The following FGGY variants were observed in gnomAD, a reference collection of about 807,000 sequenced individuals.
The protein encoded by FGGY is FGGY carbohydrate kinase domain containing, also known as FGGY carbohydrate kinase domain-containing protein.
FGGY carries 72 observed loss-of-function variants against 71.3 expected under a neutral mutation model. The observed-to-expected ratio is 1.01, with a 90% CI of 0.84 to 1.23. The LOEUF (loss-of-function observed/expected upper bound fraction) is 1.23, where lower values mean the gene tolerates loss of function less well. FGGY is among the 50% of genes most tolerant of loss of function. The pLI is 0.00. For missense variants in FGGY, 668 were observed against 682.3 expected, an observed-to-expected ratio of 0.98 and a Z score of 0.23; for synonymous variants, 251 against 250.3, an observed-to-expected ratio of 1.00 and a Z score of -0.02.
chr1:59,667,200 G>T, intron 12 of FGGY, 83 bp from the exon 13 acceptor site: 1 of 1,502,330 alleles, frequency 6.7e-7, no homozygotes, highest in South Asian at 1.1e-5. Context: ...ACAGTGTCTA[G>T]CACTGAGTAG....
At chr1:59,435,132 C>T (rs2068156954) in intron 5 of FGGY, among the ~76,000 whole-genome samples, 1 of 152,140 alleles carries the variant, frequency 6.6e-6, no homozygotes, top group South Asian at 2.1e-4. Flanking sequence ...GTCCAATGTC[C>T]TTTACAAATG....
chr1:59,666,936 C>G (rs542255922), intron 12 of FGGY, among the ~76,000 whole-genome samples: 1 of 152,182 alleles, frequency 6.6e-6, no homozygotes, highest in Non-Finnish European at 1.5e-5. Flanking sequence ...TAATACAGGG[C>G]CTGGGCTATA....
At chr1:59,718,814 C>T (rs1207114997) in intron 14 of FGGY, among the ~76,000 whole-genome samples, 1 of 152,188 alleles carries the variant, frequency 6.6e-6, no homozygotes, top group Non-Finnish European at 1.5e-5. Flanking sequence ...CGTGGTATTG[C>T]TTGCAGCCTG....
At chr1:59,352,751 T>G (rs750618796) in intron 4 of FGGY, among the ~76,000 whole-genome samples, 4 of 152,342 alleles carry the variant, frequency 2.6e-5, no homozygotes, top group Middle Eastern at 3.4e-3. Context: ...TTTCTGTAAC[T>G]TGAGAGGCTG....
At chr1:59,473,909 C>T (rs17119483) in intron 6 of FGGY, among the ~76,000 whole-genome samples, 1 of 152,164 alleles carries the variant, frequency 6.6e-6, no homozygotes, top group Non-Finnish European at 1.5e-5. Context: ...AGTCACATAC[C>T]TTGCCCCTTA....
chr1:59,495,040 C>G (rs1010300707), intron 6 of FGGY, among the ~76,000 whole-genome samples: 3 of 152,084 alleles, frequency 2.0e-5, no homozygotes, highest in Non-Finnish European at 4.4e-5. Context: ...TTAATGATAG[C>G]CATTCTGACT....
At chr1:59,630,589 G>C (rs1322788559) in intron 10 of FGGY, among the ~76,000 whole-genome samples, 1 of 152,190 alleles carries the variant, frequency 6.6e-6, no homozygotes, top group African/African-American at 2.4e-5. Context: ...GTCTGTATAT[G>C]AACATTTTAG....
At chr1:59,586,210 CAT>C (rs552091190) in intron 8 of FGGY, among the ~76,000 whole-genome samples, 138 of 152,276 alleles carry the variant, frequency 9.1e-4, no homozygotes, top group African/African-American at 3.2e-3. Context: ...CACATGCACA[CAT>C]ATGTTTATTG....
chr1:59,591,102 A>G (rs1003629430), intron 8 of FGGY, among the ~76,000 whole-genome samples: 49 of 152,204 alleles, frequency 3.2e-4, no homozygotes, highest in African/African-American at 1.2e-3. Flanking sequence ...CTCAGGATAC[A>G]AAATCAATGT....
At chr1:59,613,442 A>C (rs1197858330) in intron 9 of FGGY, among the ~76,000 whole-genome samples, 1 of 152,244 alleles carries the variant, frequency 6.6e-6, no homozygotes, top group African/African-American at 2.4e-5. Flanking sequence ...ATGTTCTTTG[A>C]AACCAATGAG....
chr1:59,639,514 G>A (rs2096997426), intron 11 of FGGY, among the ~76,000 whole-genome samples: 2 of 152,140 alleles, frequency 1.3e-5, no homozygotes, highest in Non-Finnish European at 2.9e-5. Flanking sequence ...GTCCAGAGAG[G>A]GCCATGTGGC....
intron 6 of FGGY, among the ~76,000 whole-genome samples, chr1:59,510,276 A>G (rs1446469814): frequency 6.6e-6 from 1 of 152,084 alleles, no homozygotes; most frequent in Non-Finnish European, 1.5e-5. Flanking sequence ...TGTCTGTAAA[A>G]TGGGGGTAGT....
chr1:59,688,890 C>G (rs1454922519), intron 14 of FGGY, among the ~76,000 whole-genome samples: 1 of 152,056 alleles, frequency 6.6e-6, no homozygotes, highest in Non-Finnish European at 1.5e-5. Context: ...GCTGGGATTA[C>G]AGGCACCTGC....
intron 11 of FGGY, 132 bp downstream of exon 11, chr1:59,638,507 G>A (rs2096985579): frequency 9.8e-7 from 1 of 1,024,140 alleles, no homozygotes; most frequent in Non-Finnish European, 1.4e-6. Flanking sequence ...TTGTGCAGAT[G>A]CATTGCTGTT....
chr1:59,546,532 G>GATTATTATT (rs1214052314), intron 7 of FGGY, among the ~76,000 whole-genome samples: 24 of 102,132 alleles, frequency 2.3e-4, no homozygotes, highest in African/African-American at 9.8e-4. Flanking sequence ...TGATGATGAT[G>GATTATTATT]ATGATTATTA....
chr1:59,393,593 C>T (rs2060961391), intron 5 of FGGY, among the ~76,000 whole-genome samples: 1 of 152,068 alleles, frequency 6.6e-6, no homozygotes, highest in African/African-American at 2.4e-5. Flanking sequence ...CCCCTCCTCT[C>T]TCCCTTCTCT....
intron 7 of FGGY, among the ~76,000 whole-genome samples, chr1:59,532,386 C>T (rs534733157): frequency 6.6e-6 from 1 of 152,074 alleles, no homozygotes; most frequent in South Asian, 2.1e-4. Flanking sequence ...AGAGGTCTAA[C>T]AGAGGTGTAG....
intron 8 of FGGY, among the ~76,000 whole-genome samples, chr1:59,605,370 G>C (rs145248504): frequency 1.4e-4 from 22 of 152,284 alleles, no homozygotes; most frequent in South Asian, 1.2e-3. Flanking sequence ...CCAAACCTGC[G>C]TAATTGTTCA....
chr1:59,586,707 G>T (rs1408337508), intron 8 of FGGY, among the ~76,000 whole-genome samples: 1 of 152,108 alleles, frequency 6.6e-6, no homozygotes, highest in Non-Finnish European at 1.5e-5. Context: ...GCAATTCAAA[G>T]CCTGGAAAAA....
Sources: gnomAD v4.1 joint callset for allele counts (sites outside exome capture counted in the v4.1 genomes callset) on GRCh38, gnomAD v4.1.1 for gene constraint, MANE v1.5 for transcripts, NCBI Gene and HGNC (gene_info 2026-07-23, HGNC 2026-07-21) for gene names.